MYLK: variants seen among roughly 807,000 people sequenced by gnomAD.
The protein encoded by MYLK is myosin light chain kinase, also known as myosin light chain kinase, smooth muscle.
In MYLK, 106 loss-of-function variants were observed where a neutral mutation model predicts 203.4. The observed-to-expected ratio is 0.52, with a 90% CI of 0.45 to 0.61. The LOEUF (loss-of-function observed/expected upper bound fraction) is 0.61, where lower values mean the gene tolerates loss of function less well. MYLK is among the 20% of genes least tolerant of loss of function. The pLI is 0.00. For missense variants in MYLK, 2,072 were observed against 2,442.3 expected (o/e 0.85, Z 3.20); for synonymous variants, 867 against 959.5 (o/e 0.90, Z 1.78).
intron 2 of MYLK, among the ~76,000 whole-genome samples, chr3:123,855,738 T>A (rs1219407391): frequency 6.6e-6 from 1 of 152,080 alleles, no homozygotes; most frequent in African/African-American, 2.4e-5. Context: ...TCCTAACTGG[T>A]GCCCCAGAAG....
At chr3:123,812,322 A>G (rs1004289899) in intron 3 of MYLK, among the ~76,000 whole-genome samples, 1 of 152,170 alleles carries the variant, frequency 6.6e-6, no homozygotes, top group Non-Finnish European at 1.5e-5. Flanking sequence ...ACTTGCTTAC[A>G]CCTGTTTCAG....
chr3:123,875,630 A>G (rs1251235274), intron 2 of MYLK, among the ~76,000 whole-genome samples: 2 of 152,218 alleles, frequency 1.3e-5, no homozygotes, highest in Admixed American at 6.5e-5. Context: ...ACATTAAAAC[A>G]GGTGAATTTT....
rs2064062486 is a variant in MYLK at position 123,775,997 on chromosome 3, G to A, written c.165+17680C>T. On this transcript the variant is annotated intron_variant, in intron 4 of 33. Transcript: ENST00000360304. ...ACAGGCCTGATCTCTGAGTCTGCTT[G>A]CTGTTCTCGCTCCCTCTGCCACCCC... 2.0e-5 allele frequency among the ~76,000 whole-genome samples: 3 copies of A among 152,286 alleles called. No individual in the cohort carries two copies. The South Asian group carries it at 6.2e-4, about 32-fold the overall frequency.
In MYLK at chr3:123,753,163, G is replaced by A. The variant is rs544566203; in HGVS notation, c.166-625C>T. On this transcript the variant is annotated intron_variant, in intron 4 of 33. Transcript: ENST00000360304. Reference sequence around the variant, plus strand: ...CCAGTGAGACTGAGTTGCACTGTAAGTGTGCATTACACACTGGGTTTCGAA... The same window carrying A: ...CCAGTGAGACTGAGTTGCACTGTAAATGTGCATTACACACTGGGTTTCGAA... 2.2e-4 allele frequency among the ~76,000 whole-genome samples: 33 copies of A among 152,320 alleles called. 1 individual carries two copies. In the South Asian group the frequency reaches 6.8e-3, roughly 32 times the overall value.
chr3:123,629,943 TC>T lies in MYLK; in HGVS notation c.4962-318del. 1 of 354,582 alleles carries T rather than the reference TC, an allele frequency of 2.8e-6. No individual in the cohort carries two copies. The highest frequency in any genetic ancestry group is 2.8e-5 in the South Asian group (1 of 36,140). The allele number at this position is 354,582 out of a possible 1,614,324, so 22.0% of individuals were successfully genotyped here. Reference sequence around the variant, plus strand: ...TCCCTCTGTCCTGGTTTTCTATTATTCCCCAAAGCCCAGGCTAGAGCCTTCT... The same window carrying T: ...TCCCTCTGTCCTGGTTTTCTATTATTCCCAAAGCCCAGGCTAGAGCCTTCT... On this transcript the variant is annotated intron_variant, in intron 29 of 33. Coordinates refer to ENST00000360304, the MANE Select transcript of MYLK (RefSeq NM_053025.4). The surrounding 1 kb of genome is among the most constrained non-coding windows in gnomAD (Gnocchi z 4.4).
intron 5 of MYLK, among the ~76,000 whole-genome samples, chr3:123,743,199 A>T (rs1264052563): frequency 6.6e-6 from 1 of 152,242 alleles, no homozygotes; most frequent in Non-Finnish European, 1.5e-5. Context: ...TAAATATCTT[A>T]ATCCAAAAGG....
At chr3:123,806,257 C>T (rs577204749) in intron 3 of MYLK, among the ~76,000 whole-genome samples, 20 of 152,236 alleles carry the variant, frequency 1.3e-4, no homozygotes, top group Admixed American at 9.8e-4. Context: ...TCATGTAGTC[C>T]GCTCCCTTAT....
intron 20 of MYLK, among the ~76,000 whole-genome samples, chr3:123,670,054 A>AAG (rs2059864364): frequency 1.3e-5 from 2 of 151,150 alleles, no homozygotes; most frequent in Admixed American, 6.8e-5. Flanking sequence ...AAAAAAAAAA[A>AAG]AAGCAAACAT....
At chr3:123,787,066 C>A (rs1226787180) in intron 4 of MYLK, among the ~76,000 whole-genome samples, 3 of 152,130 alleles carry the variant, frequency 2.0e-5, no homozygotes, top group African/African-American at 7.2e-5. Context: ...GTGAATAATA[C>A]CTTTTTAAAA....
intron 2 of MYLK, among the ~76,000 whole-genome samples, chr3:123,832,811 G>GA (rs1053335299): frequency 9.2e-5 from 14 of 151,886 alleles, no homozygotes; most frequent in African/African-American, 2.4e-4. Context: ...GAACTGTGAG[G>GA]AAAAAAAATT....
chr3:123,676,700 A>G (rs2060081661), intron 20 of MYLK, among the ~76,000 whole-genome samples: 1 of 152,258 alleles, frequency 6.6e-6, no homozygotes, highest in Non-Finnish European at 1.5e-5. Flanking sequence ...GCAGAACCAC[A>G]GTGGAGGCAG....
intron 3 of MYLK, among the ~76,000 whole-genome samples, chr3:123,798,168 C>G (rs1324102285): frequency 6.6e-6 from 1 of 152,176 alleles, no homozygotes; most frequent in Non-Finnish European, 1.5e-5. Context: ...CACCCCTTCA[C>G]AAATGAAGAC....
intron 18 of MYLK, among the ~76,000 whole-genome samples, chr3:123,699,629 C>G (rs1253668899): frequency 6.6e-6 from 1 of 152,224 alleles, no homozygotes; most frequent in Non-Finnish European, 1.5e-5. Flanking sequence ...CTGTGTCCCC[C>G]ACCTCCAAGC....
rs3085284 is a variant in MYLK at position 123,677,884 on chromosome 3, AATATAT to A, written c.3652+4334_3652+4339del. Among the ~76,000 whole-genome samples, 116 of 53,580 alleles carry A rather than the reference AATATAT, an allele frequency of 2.2e-3. 1 individual carries two copies. Among genetic ancestry groups the A allele is most frequent in the Middle Eastern group, 9.3e-3 (1 of 108 alleles). The allele number at this position is 53,580 out of a possible 152,430, so 35.2% of individuals were successfully genotyped here. On this transcript the variant is annotated intron_variant, in intron 20 of 33. Coordinates refer to ENST00000360304, the MANE Select transcript of MYLK (RefSeq NM_053025.4). ...CTCTATCTAAATGAATAAATAAATG[AATATAT>A]ATATATATATATATATATATATATA...
intron 3 of MYLK, among the ~76,000 whole-genome samples, chr3:123,798,800 C>T (rs750039162): frequency 1.7e-4 from 26 of 152,144 alleles, no homozygotes; most frequent in Non-Finnish European, 3.4e-4. Context: ...CTCAGCCCAT[C>T]GCCCCACCCA....
At chr3:123,652,103 G>A (rs1311438468) in intron 24 of MYLK, among the ~76,000 whole-genome samples, 1 of 152,140 alleles carries the variant, frequency 6.6e-6, no homozygotes, top group African/African-American at 2.4e-5. Context: ...AAAGATTCCA[G>A]GCTGCTACAT....
rs1280330490 is a variant in MYLK, at chr3:123,793,698, G to C, written c.144C>G (p.Ala48=). The C allele has an allele frequency of 6.2e-7, 1 of 1,614,036 alleles. No individual in the cohort carries two copies. The highest frequency in any genetic ancestry group is 8.5e-7 in the Non-Finnish European group (1 of 1,180,028). ...PPRNLCIKEG[A]TAKFEGRVRG... ...TTACCCGCCCTTCGAACTTGGCGGT[G>C]GCTCCTTCTTTGATGCAGAGGTTCC... is the stretch of plus-strand genomic sequence containing the variant. The change falls in exon 4 of 34, where the codon GCC becomes GCG. Residue 48 remains alanine, a synonymous_variant. Transcript: ENST00000360304.
At chr3:123,812,600 G>T (rs2065597857) in intron 3 of MYLK, among the ~76,000 whole-genome samples, 2 of 152,218 alleles carry the variant, frequency 1.3e-5, no homozygotes, top group African/African-American at 4.8e-5. Flanking sequence ...GGAAAAGCCA[G>T]AGTTTGCCCC....
intron 29 of MYLK, among the ~76,000 whole-genome samples, chr3:123,637,541 T>C (rs1271851937): frequency 6.6e-6 from 1 of 152,200 alleles, no homozygotes; most frequent in Non-Finnish European, 1.5e-5. Context: ...GTTACTTTCT[T>C]TTATCTGTTA....
Sources: allele counts gnomAD v4.1 joint callset (sites outside exome capture counted in the v4.1 genomes callset), GRCh38; gene constraint gnomAD v4.1.1; non-coding constraint Gnocchi (gnomAD v3.1); transcripts MANE v1.5; gene names NCBI Gene and HGNC (gene_info 2026-07-23, HGNC 2026-07-21).